Variants in GPHN observed in about 807,000 individuals in gnomAD.
The protein encoded by GPHN is gephyrin.
A neutral mutation model predicts 95.5 loss-of-function variants in GPHN; 17 were observed. The observed-to-expected ratio is 0.18, with a 90% CI of 0.12 to 0.27. GPHN has a LOEUF of 0.27. GPHN is among the 10% of genes least tolerant of loss of function. The pLI, the probability that GPHN is intolerant of heterozygous loss-of-function variation, is 1.00. For missense variants in GPHN, 660 were observed against 978.1 expected (o/e 0.67, Z 4.34); for synonymous variants, 320 against 322.5 (o/e 0.99, Z 0.08).
At chr14:67,589,989 C>T in the GPHN span, 2 of 1,456,756 alleles carry the variant, frequency 1.4e-6, no homozygotes, top group South Asian at 2.9e-5. Flanking sequence ...GGACTGTGTC[C>T]ACCTGATGGT....
At chr14:66,971,562 C>T (rs2069781693) in intron 9 of GPHN, among the ~76,000 whole-genome samples, 1 of 152,088 alleles carries the variant, frequency 6.6e-6, no homozygotes, top group South Asian at 2.1e-4. Context: ...AATTGAGCCT[C>T]ATATAGATAT....
At chr14:67,370,091 A>G in the GPHN span, among the ~76,000 whole-genome samples, 1 of 152,286 alleles carries the variant, frequency 6.6e-6, no homozygotes, top group Non-Finnish European at 1.5e-5. Context: ...AATTAATTGC[A>G]GCAGGAACAC....
At chr14:66,807,929 G>A (rs915846152) in intron 3 of GPHN, among the ~76,000 whole-genome samples, 1 of 152,152 alleles carries the variant, frequency 6.6e-6, no homozygotes, top group African/African-American at 2.4e-5. Context: ...ACCAAGTTGT[G>A]GAGTATGCAA....
At chr14:67,309,133 C>A in the GPHN span, among the ~76,000 whole-genome samples, 1 of 152,090 alleles carries the variant, frequency 6.6e-6, no homozygotes, top group Admixed American at 6.6e-5. Context: ...ATATACTGTT[C>A]TGATATTATT....
chr14:66,621,716 C>T (rs966844558), intron 1 of GPHN, among the ~76,000 whole-genome samples: 1 of 152,234 alleles, frequency 6.6e-6, no homozygotes, highest in Non-Finnish European at 1.5e-5. Context: ...GCCACCGCAC[C>T]CAGCCGGCTG....
At chr14:67,650,739 T>C in the GPHN span, 10 of 1,614,066 alleles carry the variant, frequency 6.2e-6, no homozygotes, top group Non-Finnish European at 7.6e-6. Flanking sequence ...CTGGATCTTG[T>C]TGAAGTCAAT....
At chr14:67,060,198 A>G (rs2075770124) in intron 11 of GPHN, among the ~76,000 whole-genome samples, 1 of 151,198 alleles carries the variant, frequency 6.6e-6, no homozygotes, top group Admixed American at 6.6e-5. Flanking sequence ...GAGACATTCT[A>G]ATTTAAAAAA....
At chr14:67,201,112 G>C in the GPHN span, among the ~76,000 whole-genome samples, 2 of 152,170 alleles carry the variant, frequency 1.3e-5, no homozygotes, top group African/African-American at 4.8e-5. Flanking sequence ...TGGGCAACAA[G>C]TGAGATCCCA....
chr14:67,542,213 C>T, the GPHN span, among the ~76,000 whole-genome samples: 2 of 152,228 alleles, frequency 1.3e-5, no homozygotes, highest in African/African-American at 4.8e-5. Context: ...ACACCAAAGA[C>T]ATGCTGCCAA....
At chr14:67,296,110 G>C in the GPHN span, among the ~76,000 whole-genome samples, 12 of 152,004 alleles carry the variant, frequency 7.9e-5, no homozygotes, top group African/African-American at 2.9e-4. Context: ...GGAAGGATGA[G>C]GGGAATGGTG....
intron 2 of GPHN, among the ~76,000 whole-genome samples, chr14:66,721,713 G>T (rs1254566595): frequency 6.6e-6 from 1 of 152,036 alleles, no homozygotes; most frequent in African/African-American, 2.4e-5. Context: ...CACTTTGGAA[G>T]GCCGAGGCAG....
chr14:67,398,385 C>T, the GPHN span, among the ~76,000 whole-genome samples: 1 of 152,142 alleles, frequency 6.6e-6, no homozygotes, highest in African/African-American at 2.4e-5. Flanking sequence ...TTTCCCCATC[C>T]ACTGATTTTT....
At chr14:67,437,240 T>C in the GPHN span, among the ~76,000 whole-genome samples, 1 of 152,180 alleles carries the variant, frequency 6.6e-6, no homozygotes, top group African/African-American at 2.4e-5. Flanking sequence ...CCTGCCTTCG[T>C]GGAACTTGCA....
chr14:66,776,166 C>T (rs989935544), intron 2 of GPHN, among the ~76,000 whole-genome samples: 3 of 152,090 alleles, frequency 2.0e-5, no homozygotes, highest in African/African-American at 7.2e-5. Context: ...TGCATGTTAG[C>T]TGTGACAGAA....
At chr14:66,884,642 C>A (rs1054067606) in intron 5 of GPHN, among the ~76,000 whole-genome samples, 1 of 151,750 alleles carries the variant, frequency 6.6e-6, no homozygotes, top group Non-Finnish European at 1.5e-5. Context: ...AACAGACTAA[C>A]CACTGTGGTT....
At chr14:67,081,278 C>A (rs566595448) in intron 11 of GPHN, among the ~76,000 whole-genome samples, 7 of 152,156 alleles carry the variant, frequency 4.6e-5, no homozygotes, top group African/African-American at 1.7e-4. Flanking sequence ...ATCTATTATT[C>A]TTTTATTTTT....
chr14:66,830,562 G>T (rs1018931531), intron 4 of GPHN, among the ~76,000 whole-genome samples: 2 of 151,888 alleles, frequency 1.3e-5, no homozygotes, highest in African/African-American at 2.4e-5. Context: ...AACAAAAGAA[G>T]AAATAGCAAA....
the GPHN span, among the ~76,000 whole-genome samples, chr14:67,344,482 A>G: frequency 2.6e-5 from 4 of 152,244 alleles, no homozygotes; most frequent in South Asian, 2.1e-4. Context: ...CTAGATATAT[A>G]CTAACTGGCC....
At chr14:67,269,914 C>G in the GPHN span, 1 of 152,276 alleles carries the variant, frequency 6.6e-6, no homozygotes, top group African/African-American at 2.4e-5. Context: ...TTCCCAGCTG[C>G]TGGTCAAAGG....
Sources: allele counts gnomAD v4.1 joint callset (sites outside exome capture counted in the v4.1 genomes callset), GRCh38; gene constraint gnomAD v4.1.1; transcripts MANE v1.5; gene names NCBI Gene and HGNC (gene_info 2026-07-23, HGNC 2026-07-21).